The following COL23A1 variants were observed in gnomAD, a reference collection of about 807,000 sequenced individuals.
The protein encoded by COL23A1 is collagen alpha-1(XXIII) chain.
Under a neutral mutation model 99.3 loss-of-function variants are expected in COL23A1, and 97 were observed. The ratio of observed to expected loss-of-function variants is 0.98; its 90% CI spans 0.83 to 1.16. The LOEUF is 1.16. Among genes scored for constraint, COL23A1 ranks in the 50% most tolerant of loss-of-function variants. The pLI, the probability that COL23A1 is intolerant of heterozygous loss-of-function variation, is 0.00. For synonymous variants in COL23A1, 320 were observed against 308.2 expected (o/e 1.04, Z -0.40); for missense variants, 762 against 757.4 (o/e 1.01, Z -0.07).
chr5:178,259,302 CTCAT>C (rs1765502192), intron 12 of COL23A1, among the ~76,000 whole-genome samples: 1 of 152,020 alleles, frequency 6.6e-6, no homozygotes, highest in African/African-American at 2.4e-5. Flanking sequence ...GAGGATAATG[CTCAT>C]TCAGTGTTTT....
At chr5:178,442,077 C>G (rs1581397732) in intron 2 of COL23A1, among the ~76,000 whole-genome samples, 1 of 152,204 alleles carries the variant, frequency 6.6e-6, no homozygotes, top group Admixed American at 6.5e-5. Flanking sequence ...ACTGAGAAAC[C>G]ACGCACGCCG....
intron 2 of COL23A1, among the ~76,000 whole-genome samples, chr5:178,531,871 G>T (rs1233014367): frequency 6.6e-6 from 1 of 152,222 alleles, no homozygotes; most frequent in East Asian, 1.9e-4. Context: ...GGCCAGTGCA[G>T]CATGAGAGGA....
chr5:178,416,152 G>A (rs926680290), intron 2 of COL23A1, among the ~76,000 whole-genome samples: 1 of 152,098 alleles, frequency 6.6e-6, no homozygotes, highest in Non-Finnish European at 1.5e-5. Context: ...CTGTTGCCAG[G>A]GACCCAATAT....
chr5:178,367,649 C>T (rs1762563068), intron 2 of COL23A1, among the ~76,000 whole-genome samples: 1 of 152,182 alleles, frequency 6.6e-6, no homozygotes, highest in African/African-American at 2.4e-5. Flanking sequence ...CTGCAGAGGG[C>T]CCATGGGATT....
chr5:178,266,301 A>G (rs1249242361), intron 8 of COL23A1, among the ~76,000 whole-genome samples: 1 of 152,100 alleles, frequency 6.6e-6, no homozygotes, highest in Non-Finnish European at 1.5e-5. Flanking sequence ...TCGACCTCCC[A>G]AAGTGCTAGG....
intron 2 of COL23A1, among the ~76,000 whole-genome samples, chr5:178,547,898 A>C (rs1344817621): frequency 1.0e-4 from 1 of 9,600 alleles, no homozygotes; most frequent in Non-Finnish European, 2.0e-4. Flanking sequence ...CCCCACACCC[A>C]CCCATACACA....
chr5:178,297,197 C>A (rs563103150), intron 3 of COL23A1, among the ~76,000 whole-genome samples: 20 of 152,378 alleles, frequency 1.3e-4, no homozygotes, highest in Non-Finnish European at 8.8e-5. Context: ...CTGCCTTGGA[C>A]AAACCTTCCA....
rs1763743058 is a variant in COL23A1 at position 178,387,638 on chromosome 5, A to G, written c.362-80719T>C. 6.6e-6 allele frequency among the ~76,000 whole-genome samples: 1 copy of G among 152,158 alleles called. No individual in the cohort carries two copies. The highest frequency in any genetic ancestry group is 1.5e-5 in the Non-Finnish European group (1 of 68,032). ...CAATAACTTCTAGAGGCTCATGACC[A>G]TTTACCTTTTATCCCCAGTACGAAT... On this transcript the variant is annotated intron_variant, in intron 2 of 28. Transcript: ENST00000390654. This position sits in a 1 kb window ranked among gnomAD's most constrained non-coding sequence, Gnocchi z 4.7.
chr5:178,590,109 G>A lies in COL23A1; in HGVS notation c.89C>T (p.Thr30Met). 1.6e-6 allele frequency: 2 copies of A among 1,256,900 alleles called. No individual in the cohort carries two copies. The highest frequency in any genetic ancestry group is 2.0e-6 in the Non-Finnish European group (2 of 1,002,256). The allele number at this position is 1,256,900 out of a possible 1,614,324, so 77.9% of individuals were successfully genotyped here. ...GGGGGGRSAT[T>M]AGSRAVSALC... ...CGCGCTCACCGCCCGGGACCCGGCC[G>A]TCGTCGCCGAGCGCCCTCCGCCGCC... Residue 30 changes from threonine (T) to methionine (M), a missense_variant, in exon 1 of 29, where the codon ACG (threonine) becomes ATG (methionine). Transcript: ENST00000390654. This position sits in a 1 kb window ranked among gnomAD's most constrained non-coding sequence, Gnocchi z 5.7.
intron 2 of COL23A1, among the ~76,000 whole-genome samples, chr5:178,495,129 G>C (rs1273696857): frequency 1.3e-5 from 2 of 152,242 alleles, no homozygotes; most frequent in African/African-American, 4.8e-5. Context: ...CATGTGGGTA[G>C]TTGTTAGACA....
At chr5:178,358,429 G>GTA (rs1554145503) in intron 2 of COL23A1, among the ~76,000 whole-genome samples, 1 of 148,626 alleles carries the variant, frequency 6.7e-6, no homozygotes, top group East Asian at 2.0e-4. Flanking sequence ...GTGTGTGTAT[G>GTA]TGTATGTGTG....
At chr5:178,261,918 C>T (rs1201951457) in intron 10 of COL23A1, among the ~76,000 whole-genome samples, 170 bp from the exon 11 acceptor site, 2 of 152,234 alleles carry the variant, frequency 1.3e-5, no homozygotes, top group African/African-American at 4.8e-5. Context: ...ACTCCTCAAG[C>T]CTGGGACAGC....
In COL23A1 at chr5:178,307,666, C is replaced by G. The variant is rs1048835534; in HGVS notation, c.362-747G>C. 3.9e-5 allele frequency among the ~76,000 whole-genome samples: 6 copies of G among 152,262 alleles called. No individual in the cohort carries two copies. The highest frequency in any genetic ancestry group is 6.5e-5 in the Admixed American group (1 of 15,286). ...GACGCTTTGACTCTGGCCGTGGGAG[C>G]AGAGGTCTGAGGCCTCCCTCTCCCT... On this transcript the variant is annotated intron_variant, in intron 2 of 28. Transcript: ENST00000390654. This position sits in a 1 kb window ranked among gnomAD's most constrained non-coding sequence, Gnocchi z 4.2.
rs746825809 is a variant in COL23A1 at position 178,560,692 on chromosome 5, G to C, written c.351C>G (p.Val117=). The part of the protein sequence containing the change: ...RTAREAPSEC[V]CPPGPPGRRG... The stretch of plus-strand genomic sequence containing the variant: ...TCAACCTTCACTTACCTGGGGGGCA[G>C]ACACATTCGGATGGAGCTTCCCGAG... The change falls in exon 2 of 29, where the codon GTC becomes GTG. Residue 117 remains valine, a synonymous_variant. Coordinates refer to ENST00000390654, the MANE Select transcript of COL23A1 (RefSeq NM_173465.4). 4 of 1,612,680 alleles carry C rather than the reference G, an allele frequency of 2.5e-6. No homozygotes were observed. The highest frequency in any genetic ancestry group is 2.5e-6 in the Non-Finnish European group (3 of 1,179,670).
chr5:178,299,174 T>C (rs1757902475), intron 3 of COL23A1, among the ~76,000 whole-genome samples: 1 of 152,242 alleles, frequency 6.6e-6, no homozygotes, highest in South Asian at 2.1e-4. Context: ...TCAGAATGAG[T>C]TGAGAAGTGT....
intron 2 of COL23A1, among the ~76,000 whole-genome samples, chr5:178,470,515 A>G (rs1390554151): frequency 6.6e-6 from 1 of 152,166 alleles, no homozygotes; most frequent in East Asian, 1.9e-4. Flanking sequence ...AGTGTCGAGC[A>G]GAGGGCCCCT....
At chr5:178,451,288 C>T (rs1043723401) in intron 2 of COL23A1, among the ~76,000 whole-genome samples, 1 of 151,966 alleles carries the variant, frequency 6.6e-6, no homozygotes, top group African/African-American at 2.4e-5. Context: ...GAATTTTACC[C>T]CAAACACTCT....
At chr5:178,547,681 C>A (rs1466840365) in intron 2 of COL23A1, among the ~76,000 whole-genome samples, 1 of 31,346 alleles carries the variant, frequency 3.2e-5, no homozygotes, top group Non-Finnish European at 6.1e-5. Context: ...CACACCCACC[C>A]CCCACACACC....
chr5:178,412,761 A>G (rs1403690283), intron 2 of COL23A1, among the ~76,000 whole-genome samples: 4 of 152,296 alleles, frequency 2.6e-5, no homozygotes, highest in Admixed American at 6.5e-5. Context: ...GTGTCTCAAT[A>G]TATTTCATTG....
Sources: gnomAD v4.1 joint callset for allele counts (sites outside exome capture counted in the v4.1 genomes callset) on GRCh38, gnomAD v4.1.1 for gene constraint, Gnocchi (gnomAD v3.1) non-coding constraint, MANE v1.5 for transcripts, NCBI Gene and HGNC (gene_info 2026-07-23, HGNC 2026-07-21) for gene names.